Variants in KCNIP4 observed in about 807,000 individuals in gnomAD.
KCNIP4 encodes the protein Kv channel-interacting protein 4.
Under a neutral mutation model 34.0 loss-of-function variants are expected in KCNIP4, and 12 were observed. That is an observed-to-expected ratio of 0.35 (90% CI 0.23 to 0.57). The LOEUF (loss-of-function observed/expected upper bound fraction) is 0.57, where lower values mean the gene tolerates loss of function less well. Ranked by LOEUF, KCNIP4 falls within the 20% of genes least tolerant of loss-of-function variation. The pLI is 0.83. For synonymous variants in KCNIP4, 124 were observed against 102.2 expected (o/e 1.21, Z -1.29); for missense variants, 238 against 311.7 (o/e 0.76, Z 1.78).
chr4:21,643,909 T>TAGAC lies in KCNIP4; in HGVS notation c.61+304661_61+304662insGTCT, dbSNP rs1746815822. Among the ~76,000 whole-genome samples the TAGAC allele has an allele frequency of 2.0e-4, 28 of 142,406 alleles. 1 individual carries two copies. The South Asian group carries it at 5.1e-3, about 26-fold the overall frequency. The allele number at this position is 142,406 out of a possible 152,430, so 93.4% of individuals were successfully genotyped here. On this transcript the variant is annotated intron_variant, in intron 1 of 8. Coordinates refer to ENST00000382152, the MANE Select transcript of KCNIP4 (RefSeq NM_025221.6). The stretch of plus-strand genomic sequence containing the variant: ...ATAGATAGATAGATAGATAGATAGA[T>TAGAC]AGATAGACTGGCAGAAAGATAGATA...
chr4:21,443,040 T>C (rs1727625274), intron 1 of KCNIP4, among the ~76,000 whole-genome samples: 1 of 152,212 alleles, frequency 6.6e-6, no homozygotes, highest in Non-Finnish European at 1.5e-5. Flanking sequence ...TCACAACCCA[T>C]ATCCAATTTG....
rs905345469 is a variant in KCNIP4 at position 21,802,073 on chromosome 4, A to G, written c.61+146498T>C. Among the ~76,000 whole-genome samples the G allele has an allele frequency of 5.3e-5, 8 of 150,838 alleles. No individual in the cohort carries two copies. In the East Asian group the frequency reaches 1.4e-3, roughly 26 times the overall value. The stretch of plus-strand genomic sequence containing the variant: ...ATGTTTAATGAGAATGGGAATTAAT[A>G]TTAATATTATTCTAATTTTTCTTAA... On this transcript the variant is annotated intron_variant, in intron 1 of 8. Coordinates refer to ENST00000382152, the MANE Select transcript of KCNIP4 (RefSeq NM_025221.6).
intron 1 of KCNIP4, among the ~76,000 whole-genome samples, chr4:21,788,317 T>C (rs1720044075): frequency 6.6e-6 from 1 of 152,186 alleles, no homozygotes; most frequent in African/African-American, 2.4e-5. Flanking sequence ...AAAGACTTCC[T>C]TACTTGAAGG....
At chr4:21,892,581 C>T (rs896877664) in intron 1 of KCNIP4, among the ~76,000 whole-genome samples, 8 of 139,662 alleles carry the variant, frequency 5.7e-5, no homozygotes, top group Non-Finnish European at 1.1e-4. Flanking sequence ...ATTGATTTTG[C>T]ATCAGAAGTC....
At chr4:21,764,172 G>A (rs572486983) in intron 1 of KCNIP4, among the ~76,000 whole-genome samples, 21 of 152,234 alleles carry the variant, frequency 1.4e-4, no homozygotes, top group Middle Eastern at 6.8e-3. Context: ...AATGGCTGGA[G>A]ATAACAAGTA....
chr4:21,857,571 G>T (rs1724836985), intron 1 of KCNIP4, among the ~76,000 whole-genome samples: 3 of 152,080 alleles, frequency 2.0e-5, no homozygotes, highest in Admixed American at 2.0e-4. Flanking sequence ...ACCACTCCAG[G>T]GTCACCTCTC....
At chr4:21,548,415 A>G (rs1389131719) in intron 1 of KCNIP4, among the ~76,000 whole-genome samples, 2 of 152,148 alleles carry the variant, frequency 1.3e-5, no homozygotes, top group Admixed American at 1.3e-4. Flanking sequence ...AACACTTCCA[A>G]TGCACTACTG....
chr4:20,870,808 C>G (rs1013664885), intron 2 of KCNIP4, among the ~76,000 whole-genome samples: 1 of 152,096 alleles, frequency 6.6e-6, no homozygotes, highest in East Asian at 1.9e-4. Context: ...TGAATGAAGT[C>G]TGAATTGCCA....
chr4:20,912,720 A>T (rs1410274877), intron 1 of KCNIP4, among the ~76,000 whole-genome samples: 1 of 151,970 alleles, frequency 6.6e-6, no homozygotes, highest in African/African-American at 2.4e-5. Flanking sequence ...TAAAAATAGA[A>T]AGAAATTTGA....
At chr4:21,512,856 T>C (rs1734449000) in intron 1 of KCNIP4, among the ~76,000 whole-genome samples, 2 of 152,240 alleles carry the variant, frequency 1.3e-5, no homozygotes, top group Admixed American at 6.6e-5. Context: ...ACTGAAAGAA[T>C]GTCCAGTTAA....
chr4:21,776,320 A>G (rs1719175498), intron 1 of KCNIP4, among the ~76,000 whole-genome samples: 1 of 151,158 alleles, frequency 6.6e-6, no homozygotes, highest in African/African-American at 2.4e-5. Context: ...AAGAATTCAC[A>G]TACTTACTAT....
At chr4:21,850,551 TCCCTTCA>T (rs1724312153) in intron 1 of KCNIP4, 1 of 151,986 alleles carries the variant, frequency 6.6e-6, no homozygotes, top group South Asian at 2.1e-4. Context: ...CAGCAAGAAG[TCCCTTCA>T]ACCTTGGACT....
chr4:21,157,405 T>C (rs886258359), intron 1 of KCNIP4, among the ~76,000 whole-genome samples: 2 of 152,074 alleles, frequency 1.3e-5, no homozygotes, highest in Non-Finnish European at 1.5e-5. Flanking sequence ...CACTTTCAAT[T>C]CTGATCAAGA....
At chr4:21,129,369 A>G (rs971744502) in intron 1 of KCNIP4, among the ~76,000 whole-genome samples, 1 of 152,222 alleles carries the variant, frequency 6.6e-6, no homozygotes, top group African/African-American at 2.4e-5. Flanking sequence ...TAGACACTCA[A>G]TACACATTGG....
intron 1 of KCNIP4, among the ~76,000 whole-genome samples, chr4:21,018,468 G>A (rs1351040295): frequency 6.6e-6 from 1 of 152,076 alleles, no homozygotes; most frequent in Non-Finnish European, 1.5e-5. Context: ...TTGCACTAAG[G>A]CCACACCTCC....
intron 3 of KCNIP4, among the ~76,000 whole-genome samples, chr4:20,844,373 C>T (rs1240419403): frequency 6.6e-6 from 1 of 152,188 alleles, no homozygotes; most frequent in Non-Finnish European, 1.5e-5. Context: ...TAACACTTTG[C>T]TCTTAAGGAA....
intron 1 of KCNIP4, among the ~76,000 whole-genome samples, chr4:21,007,777 G>C (rs1434864314): frequency 6.6e-6 from 1 of 152,178 alleles, no homozygotes; most frequent in East Asian, 1.9e-4. Flanking sequence ...AGTCCCAGGT[G>C]ACAGTAAATG....
chr4:21,816,653 C>T (rs897024740), intron 1 of KCNIP4, among the ~76,000 whole-genome samples: 1 of 152,122 alleles, frequency 6.6e-6, no homozygotes. Flanking sequence ...ATCTTCCTGC[C>T]ATCCTCTGAT....
chr4:21,699,219 T>C (rs1577868892), intron 1 of KCNIP4, among the ~76,000 whole-genome samples: 1 of 152,018 alleles, frequency 6.6e-6, no homozygotes, highest in Non-Finnish European at 1.5e-5. Context: ...TGTTGGAGAG[T>C]AAAATAAGAT....
Sources: allele counts gnomAD v4.1 joint callset (sites outside exome capture counted in the v4.1 genomes callset), GRCh38; gene constraint gnomAD v4.1.1; transcripts MANE v1.5; gene names NCBI Gene and HGNC (gene_info 2026-07-23, HGNC 2026-07-21).